Variants in ZFP37 observed in about 807,000 individuals in gnomAD.
ZFP37 encodes the protein ZFP37 zinc finger protein.
In ZFP37, 38 loss-of-function variants were observed where a neutral mutation model predicts 52.1. The ratio of observed to expected loss-of-function variants is 0.73; its 90% CI spans 0.56 to 0.96. The LOEUF is 0.96. ZFP37 is among the 40% of genes least tolerant of loss of function. The pLI is 0.00. For synonymous variants in ZFP37, 253 were observed against 259.5 expected (o/e 0.98, Z 0.24); for missense variants, 695 against 741.4 (o/e 0.94, Z 0.73).
chr9:113,047,586 T>TG (rs1206863174), intron 3 of ZFP37, among the ~76,000 whole-genome samples: 1 of 150,846 alleles, frequency 6.6e-6, no homozygotes, highest in Non-Finnish European at 1.5e-5. Flanking sequence ...CCTGTCTCTA[T>TG]GAAAAAAAAG....
At chr9:113,046,497 TA>T (rs1828959503) in intron 3 of ZFP37, among the ~76,000 whole-genome samples, 1 of 152,062 alleles carries the variant, frequency 6.6e-6, no homozygotes, top group Non-Finnish European at 1.5e-5. Context: ...TGTAATATTA[TA>T]AGAACCTTTA....
In ZFP37 at chr9:113,044,108, T is replaced by G; in HGVS notation, c.510A>C (p.Ser170=). ...ACTCAAATTTAAGAAGCCTTTTCTTTGAAGGAACATGTTTTTTATGCAAAT... is the reference window on the plus strand; with the variant it reads ...ACTCAAATTTAAGAAGCCTTTTCTTGGAAGGAACATGTTTTTTATGCAAAT... ...KNNLHKKHVP[S]KKRLLKFESC... The change falls in exon 4 of 4, where the codon TCA becomes TCC. Residue 170 remains serine (S), a synonymous_variant. Coordinates refer to ENST00000374227, the MANE Select transcript of ZFP37 (RefSeq NM_003408.3). 6.2e-7 allele frequency: 1 copy of G among 1,611,598 alleles called. No individual in the cohort carries two copies. Among genetic ancestry groups the G allele is most frequent in the African/African-American group, 1.3e-5 (1 of 74,902 alleles).
chr9:113,046,765 T>C (rs1828965102), intron 3 of ZFP37, among the ~76,000 whole-genome samples: 1 of 152,244 alleles, frequency 6.6e-6, no homozygotes, highest in Non-Finnish European at 1.5e-5. Flanking sequence ...CAGCAAATTA[T>C]TGGAGAGAAT....
chr9:113,053,663 T>G (rs1023989018), intron 1 of ZFP37, among the ~76,000 whole-genome samples: 4 of 152,214 alleles, frequency 2.6e-5, no homozygotes, highest in Admixed American at 6.5e-5. Context: ...CTTTATGCTT[T>G]CAAGAGAAAA....
At chr9:113,051,395 C>T (rs1171903757) in intron 1 of ZFP37, among the ~76,000 whole-genome samples, 2 of 152,100 alleles carry the variant, frequency 1.3e-5, no homozygotes, top group East Asian at 1.9e-4. Flanking sequence ...GTTTGTCTAA[C>T]ATTTAAAGAT....
rs369539796 is a variant in ZFP37, at chr9:113,042,720, T to C, written c.*5A>G. On this transcript the variant is annotated 3_prime_UTR_variant, in exon 4 of 4. Transcript: ENST00000374227. ...AATTTAGTTAACAAATTTCCCACAT[T>C]AACTTCACTCATGAGATTTATCTTC... 2.1e-5 allele frequency: 32 copies of C among 1,541,438 alleles called. No individual in the cohort carries two copies. Among genetic ancestry groups the C allele is most frequent in the Middle Eastern group, 1.7e-4 (1 of 5,740 alleles).
In ZFP37 at chr9:113,042,145, T is replaced by C. The variant is rs1283965562; in HGVS notation, c.*580A>G. 6.6e-6 allele frequency: 1 copy of C among 152,294 alleles called. No homozygotes were observed. The highest frequency in any genetic ancestry group is 1.5e-5 in the Non-Finnish European group (1 of 68,100). 9.4% of individuals were successfully genotyped at this position (152,294 alleles called of 1,614,324 possible). On this transcript the variant is annotated 3_prime_UTR_variant, in exon 4 of 4. Transcript: ENST00000374227. ...CTTCACAATATATCTTGAATATCGCTCCCTACCAGCACATTTGTATCCTCA... is the reference window on the plus strand; with the variant it reads ...CTTCACAATATATCTTGAATATCGCCCCCTACCAGCACATTTGTATCCTCA...
intron 1 of ZFP37, among the ~76,000 whole-genome samples, chr9:113,055,679 G>T (rs1433928168): frequency 6.6e-6 from 1 of 151,964 alleles, no homozygotes; most frequent in Non-Finnish European, 1.5e-5. Flanking sequence ...ATGGATCTCT[G>T]CAAGTTCCCA....
intron 3 of ZFP37, 109 bp from the exon 4 acceptor site, chr9:113,044,377 T>A: frequency 2.0e-6 from 2 of 983,580 alleles, no homozygotes; most frequent in South Asian, 1.9e-5. Flanking sequence ...TATTCAAGCC[T>A]GGTATACCAA....
In ZFP37 at chr9:113,043,071, G is replaced by C. The variant is rs1295640211; in HGVS notation, c.1547C>G (p.Pro516Arg). ...TTTCCCACATTGATTACATTCAAAG[G>C]GACTTTCACCTGTATGAGTTCTCAT... ...YHMRTHTGES[P>R]FECNQCGKGF... The change falls in exon 4 of 4, where the codon CCC becomes CGC. Residue 516 changes from proline (P) to arginine (R), a missense_variant. Physicochemically the swap from Pro to Arg is moderately radical, Grantham distance 103. Coordinates refer to ENST00000374227, the MANE Select transcript of ZFP37 (RefSeq NM_003408.3). 1 of 1,613,382 alleles carries C rather than the reference G, an allele frequency of 6.2e-7. No individual in the cohort carries two copies. Among genetic ancestry groups the C allele is most frequent in the Non-Finnish European group, 8.5e-7 (1 of 1,179,948 alleles).
Position 113,052,404 on chromosome 9 carries a change from C to G in ZFP37, c.133-2532G>C, listed in dbSNP as rs144232194. On this transcript the variant is annotated intron_variant, in intron 1 of 3. Transcript: ENST00000374227. This position sits in a 1 kb window ranked among gnomAD's most constrained non-coding sequence, Gnocchi z 4.1. ...GTATCACCAGGTTTTCAGCCATTAA[C>G]CCTTCTGGGTCCGGTGATTTGCTAG... 5.9e-5 allele frequency among the ~76,000 whole-genome samples: 9 copies of G among 152,158 alleles called. No homozygotes were observed. The highest frequency in any genetic ancestry group is 1.2e-4 in the Non-Finnish European group (8 of 68,038).
In ZFP37 at chr9:113,041,983, A is replaced by C. The variant is rs1239079519; in HGVS notation, c.*742T>G. 1 of 152,174 alleles carries C rather than the reference A, an allele frequency of 6.6e-6. No homozygotes were observed. The highest frequency in any genetic ancestry group is 1.5e-5 in the Non-Finnish European group (1 of 68,034). 9.4% of individuals were successfully genotyped at this position (152,174 alleles called of 1,614,324 possible). On this transcript the variant is annotated 3_prime_UTR_variant, in exon 4 of 4. Coordinates refer to ENST00000374227, the MANE Select transcript of ZFP37 (RefSeq NM_003408.3). The stretch of plus-strand genomic sequence containing the variant: ...TTCTGTATTTTTTCAAAGTCTATTC[A>C]CATACAGATACATGTATATATGCAT...
rs1828899436 is a variant in ZFP37, at chr9:113,043,780, A to G, written c.838T>C (p.Ser280Pro). The G allele has an allele frequency of 6.2e-7, 1 of 1,613,882 alleles. No homozygotes were observed. The part of the protein sequence containing the change: ...KHEKSPSLSS[S>P]TKHEKPQACV... The stretch of plus-strand genomic sequence containing the variant: ...GCTTGAGGTTTTTCATGCTTAGTAG[A>G]TGAGCTAAGGCTGGGTGATTTCTCA... The change falls in exon 4 of 4, where the codon TCT becomes CCT. Residue 280 changes from serine to proline, a missense_variant. Physicochemically the swap from Ser to Pro is moderately conservative, Grantham distance 74. Coordinates refer to ENST00000374227, the MANE Select transcript of ZFP37 (RefSeq NM_003408.3).
At position 113,042,245 on chromosome 9, in the gene ZFP37, G is replaced by A. The variant is rs768990386; in HGVS notation, c.*480C>T. On this transcript the variant is annotated 3_prime_UTR_variant, in exon 4 of 4. Transcript: ENST00000374227. The stretch of plus-strand genomic sequence containing the variant: ...CAACCCTTTTAAAAAGATTTCTGCT[G>A]ATGCAGAAGCCAACACAGACATTAA... 2 of 152,014 alleles carry A rather than the reference G, an allele frequency of 1.3e-5. No homozygotes were observed. The highest frequency in any genetic ancestry group is 2.9e-5 in the Non-Finnish European group (2 of 68,176). The allele number at this position is 152,014 out of a possible 1,614,324, so 9.4% of individuals were successfully genotyped here.
At chr9:113,046,226 A>ATT (rs1828950132) in intron 3 of ZFP37, among the ~76,000 whole-genome samples, 2 of 143,478 alleles carry the variant, frequency 1.4e-5, no homozygotes, top group Non-Finnish European at 3.0e-5. Flanking sequence ...ATATAGACAT[A>ATT]TATCTATATA....
chr9:113,045,517 C>T (rs902997950), intron 3 of ZFP37, among the ~76,000 whole-genome samples: 9 of 152,106 alleles, frequency 5.9e-5, no homozygotes, highest in African/African-American at 2.2e-4. Flanking sequence ...TAAGTTTATT[C>T]CCAGCTCTAA....
chr9:113,050,004 T>G, intron 1 of ZFP37, 132 bp from the exon 2 acceptor site: 1 of 1,390,156 alleles, frequency 7.2e-7, no homozygotes, highest in East Asian at 2.4e-5. Flanking sequence ...TTACCTTGAC[T>G]ACTCACTGTT....
In ZFP37 at chr9:113,052,417, G is replaced by A. The variant is rs148333040; in HGVS notation, c.133-2545C>T. 0.012 allele frequency among the ~76,000 whole-genome samples: 1,751 copies of A among 152,170 alleles called. 14 individuals are homozygous for A. Among genetic ancestry groups the A allele is most frequent in the Middle Eastern group, 0.02 (6 of 294 alleles). Reference sequence around the variant, plus strand: ...TTCAGCCATTAACCCTTCTGGGTCCGGTGATTTGCTAGGAGGACTCACATG... The same window carrying A: ...TTCAGCCATTAACCCTTCTGGGTCCAGTGATTTGCTAGGAGGACTCACATG... On this transcript the variant is annotated intron_variant, in intron 1 of 3. Coordinates refer to ENST00000374227, the MANE Select transcript of ZFP37 (RefSeq NM_003408.3). The surrounding 1 kb of genome is among the most constrained non-coding windows in gnomAD (Gnocchi z 4.1).
chr9:113,055,442 G>A (rs12555065), intron 1 of ZFP37, among the ~76,000 whole-genome samples: 5,053 of 152,274 alleles, frequency 0.033, 268 homozygotes, highest in South Asian at 0.18. Flanking sequence ...TTGAGGGAGG[G>A]ATTCTGGTTT....
Sources: gnomAD v4.1 joint callset for allele counts (sites outside exome capture counted in the v4.1 genomes callset) on GRCh38, gnomAD v4.1.1 for gene constraint, Gnocchi (gnomAD v3.1) non-coding constraint, MANE v1.5 for transcripts, NCBI Gene and HGNC (gene_info 2026-07-23, HGNC 2026-07-21) for gene names.